The following CACNA1E variants were observed in gnomAD, a reference collection of about 807,000 sequenced individuals.
CACNA1E encodes voltage-dependent R-type calcium channel subunit alpha-1E.
CACNA1E carries 40 observed loss-of-function variants against 259.2 expected under a neutral mutation model. That is an observed-to-expected ratio of 0.15 (90% CI 0.12 to 0.20). The LOEUF is 0.20. CACNA1E is among the 10% of genes least tolerant of loss of function. The pLI is 1.00. For synonymous variants in CACNA1E, 1,104 were observed against 1,138.5 expected, an observed-to-expected ratio of 0.97 and a Z score of 0.61; for missense variants, 1,874 against 3,040.1, an observed-to-expected ratio of 0.62 and a Z score of 9.02.
At chr1:181,373,845 G>A (rs565999788) in intron 1 of CACNA1E, among the ~76,000 whole-genome samples, 1 of 152,304 alleles carries the variant, frequency 6.6e-6, no homozygotes, top group South Asian at 2.1e-4. Flanking sequence ...TTTAGAGGCA[G>A]ACACAGAGGA....
intron 3 of CACNA1E, among the ~76,000 whole-genome samples, chr1:181,556,964 G>A (rs1648792319): frequency 6.6e-6 from 1 of 152,188 alleles, no homozygotes; most frequent in South Asian, 2.1e-4. Context: ...CTGTTTCAGA[G>A]AAGGTGTGAG....
intron 6 of CACNA1E, among the ~76,000 whole-genome samples, chr1:181,600,323 G>A (rs1185736245): frequency 6.6e-6 from 1 of 152,188 alleles, no homozygotes; most frequent in Non-Finnish European, 1.5e-5. Flanking sequence ...TTAGGAGTTT[G>A]GATTTTACTC....
chr1:181,771,615 A>G (rs965019602), intron 36 of CACNA1E: 14 of 527,998 alleles, frequency 2.7e-5, no homozygotes, highest in Admixed American at 2.0e-4. Context: ...TGATCTTGGA[A>G]GCTAAGCAGG....
chr1:181,655,869 A>G (rs780354534), intron 7 of CACNA1E, among the ~76,000 whole-genome samples: 1 of 152,226 alleles, frequency 6.6e-6, no homozygotes, highest in African/African-American at 2.4e-5. Context: ...AACTATATAC[A>G]GTCATGTGCC....
chr1:181,368,401 G>A (rs1264605735), intron 1 of CACNA1E, among the ~76,000 whole-genome samples: 1 of 152,012 alleles, frequency 6.6e-6, no homozygotes, highest in Non-Finnish European at 1.5e-5. Flanking sequence ...TCTTATTGTT[G>A]AAAAGATTTC....
Position 181,718,510 on chromosome 1 carries a change from A to T in CACNA1E, c.1638+343A>T, listed in dbSNP as rs933186587. On this transcript the variant is annotated intron_variant, in intron 12 of 47. Coordinates refer to ENST00000367573, the MANE Select transcript of CACNA1E (RefSeq NM_001205293.3). ...GGGGGAAGCCTGAAAAGGACAAAGG[A>T]CTTGATTTTAGAGGTGGTTCCATAG... 6.6e-5 allele frequency among the ~76,000 whole-genome samples: 10 copies of T among 151,984 alleles called. No homozygotes were observed. In the East Asian group the frequency reaches 1.9e-3, roughly 29 times the overall value.
At chr1:181,596,197 C>T (rs555258423) in intron 6 of CACNA1E, among the ~76,000 whole-genome samples, 19 of 152,276 alleles carry the variant, frequency 1.2e-4, no homozygotes, top group Admixed American at 1.2e-3. Flanking sequence ...TGCTGTGGCT[C>T]ACAGACAGAG....
chr1:181,324,005 C>T (rs976380943), intron 1 of CACNA1E, among the ~76,000 whole-genome samples: 7 of 152,320 alleles, frequency 4.6e-5, no homozygotes, highest in Admixed American at 3.3e-4. Context: ...GGCAAAGCCC[C>T]TTATGTGAGC....
Position 181,733,475 on chromosome 1 carries a change from C to A in CACNA1E, c.2987C>A (p.Ala996Glu). 6.4e-7 allele frequency: 1 copy of A among 1,561,698 alleles called. No individual in the cohort carries two copies. The highest frequency in any genetic ancestry group is 8.7e-7 in the Non-Finnish European group (1 of 1,152,298). Reference protein sequence around the residue: ...SLMVSRGSGLAGGLDEADTPL... With the variant: ...SLMVSRGSGLEGGLDEADTPL... Reference sequence around the variant, plus strand: ...ATGGTGTCCAGAGGCTCCGGGCTGGCAGGAGGCCTTGATGAGGCTGACACC... The same window carrying A: ...ATGGTGTCCAGAGGCTCCGGGCTGGAAGGAGGCCTTGATGAGGCTGACACC... The change falls in exon 21 of 48, where the codon GCA becomes GAA. Residue 996 changes from alanine (A) to glutamate (E), a missense_variant. By Grantham distance (107) the Ala-to-Glu change is moderately radical. Coordinates refer to ENST00000367573, the MANE Select transcript of CACNA1E (RefSeq NM_001205293.3).
rs1662638214 is a variant in CACNA1E, at chr1:181,806,528, A to G, written c.*7694A>G. 6.6e-6 allele frequency: 1 copy of G among 152,236 alleles called. No homozygotes were observed. Among genetic ancestry groups the G allele is most frequent in the African/African-American group, 2.4e-5 (1 of 41,458 alleles). 9.4% of individuals were successfully genotyped at this position (152,236 alleles called of 1,614,324 possible). A position where few individuals can be genotyped will look rare whatever the true frequency, so the allele number is the denominator to read the frequency against. On this transcript the variant is annotated 3_prime_UTR_variant, in exon 48 of 48. Transcript: ENST00000367573. ...CCACAAGACACCTCCTTAGGGCAGC[A>G]TCCACTGTGGTGTGCCAGCCTGACA...
intron 6 of CACNA1E, among the ~76,000 whole-genome samples, chr1:181,650,168 G>A (rs1275725988): frequency 1.3e-5 from 2 of 152,148 alleles, no homozygotes; most frequent in African/African-American, 2.4e-5. Context: ...GGAAGCATGG[G>A]GACAATGAAT....
chr1:181,562,913 A>C (rs1400560214), intron 3 of CACNA1E, among the ~76,000 whole-genome samples: 1 of 152,190 alleles, frequency 6.6e-6, no homozygotes, highest in Non-Finnish European at 1.5e-5. Flanking sequence ...AAATAGATTC[A>C]GGCAGCAAAC....
At chr1:181,356,632 T>C (rs975178685) in intron 1 of CACNA1E, among the ~76,000 whole-genome samples, 5 of 152,218 alleles carry the variant, frequency 3.3e-5, no homozygotes, top group Non-Finnish European at 7.3e-5. Flanking sequence ...AGGTCTGCTC[T>C]GAAGGGCACT....
intron 3 of CACNA1E, among the ~76,000 whole-genome samples, chr1:181,568,013 G>A (rs2102921601): frequency 1.3e-5 from 2 of 152,020 alleles, no homozygotes; most frequent in Middle Eastern, 3.4e-3. Flanking sequence ...GCTTAATGTA[G>A]GCTATGATCA....
intron 7 of CACNA1E, among the ~76,000 whole-genome samples, chr1:181,695,197 G>C (rs1651577357): frequency 6.6e-6 from 1 of 152,158 alleles, no homozygotes. Context: ...CCTTTCTACT[G>C]AAAACTACAG....
At chr1:181,570,728 C>T (rs1650324627) in intron 3 of CACNA1E, among the ~76,000 whole-genome samples, 1 of 152,168 alleles carries the variant, frequency 6.6e-6, no homozygotes, top group African/African-American at 2.4e-5. Context: ...ACATTGCCTT[C>T]TCTCTCTCTA....
intron 3 of CACNA1E, among the ~76,000 whole-genome samples, chr1:181,549,417 T>G (rs984383571): frequency 2.6e-5 from 4 of 152,240 alleles, no homozygotes; most frequent in African/African-American, 7.2e-5. Flanking sequence ...CTTCTGTTTC[T>G]GAATAGTTTC....
chr1:181,580,761 C>T lies in CACNA1E; in HGVS notation c.936C>T (p.Thr312=), dbSNP rs768014605. ...AGTGCATCACCATGGAAGGGTGGAC[C>T]ACTGTGCTGTACAATGTGAGTAGAG... ...VFQCITMEGW[T]TVLYNTNDAL... is the part of the protein sequence containing the mutation. Residue 312 remains threonine (T), a synonymous_variant, in exon 6 of 48, where the codon ACC becomes ACT. Coordinates refer to ENST00000367573, the MANE Select transcript of CACNA1E (RefSeq NM_001205293.3). 5.6e-6 allele frequency: 9 copies of T among 1,613,916 alleles called. No individual in the cohort carries two copies. The South Asian group carries it at 6.6e-5, about 12-fold the overall frequency.
intron 2 of CACNA1E, among the ~76,000 whole-genome samples, chr1:181,426,750 CGTCTCAACCCCTGTCA>C (rs1553249188): frequency 5.2e-5 from 7 of 135,348 alleles, no homozygotes; most frequent in Non-Finnish European, 9.6e-5. Flanking sequence ...AGCCCCTTCC[CGTCTCAACCCCTGTCA>C]ATCTCAACCC....
Sources: allele counts gnomAD v4.1 joint callset (sites outside exome capture counted in the v4.1 genomes callset), GRCh38; gene constraint gnomAD v4.1.1; transcripts MANE v1.5; gene names NCBI Gene and HGNC (gene_info 2026-07-23, HGNC 2026-07-21).